Variants in ZSCAN30 observed in about 807,000 individuals in gnomAD.
The protein encoded by ZSCAN30 is zinc finger and SCAN domain-containing protein 30.
ZSCAN30 carries 37 observed loss-of-function variants against 44.3 expected under a neutral mutation model. The observed-to-expected ratio is 0.84, with a 90% confidence interval of 0.64 to 1.10. The LOEUF is 1.10. Among genes scored for constraint, ZSCAN30 ranks in the 50% least tolerant of loss-of-function variants. ZSCAN30 has a pLI of 0.00. For missense variants in ZSCAN30, 549 were observed against 582.6 expected (o/e 0.94, Z 0.59); for synonymous variants, 181 against 204.6 (o/e 0.88, Z 0.98).
At chr18:35,255,881 A>G (rs967860799) in intron 3 of ZSCAN30, 1 of 154,324 alleles carries the variant, frequency 6.5e-6, no homozygotes, top group Non-Finnish European at 1.5e-5. Context: ...ACTTGCATAC[A>G]ATAGAGGCAT....
At chr18:35,284,548 A>C (rs1187212871) in intron 1 of ZSCAN30, 1 of 155,044 alleles carries the variant, frequency 6.4e-6, no homozygotes. Flanking sequence ...CACTGCCTCA[A>C]GTATGCGCAC....
At chr18:35,270,663 C>T (rs1366465458) in intron 1 of ZSCAN30, among the ~76,000 whole-genome samples, 1 of 152,170 alleles carries the variant, frequency 6.6e-6, no homozygotes, top group Non-Finnish European at 1.5e-5. Flanking sequence ...TCACTGCAAC[C>T]TCCCCCTCCG....
chr18:35,288,764 C>T (rs1360008976), intron 1 of ZSCAN30, among the ~76,000 whole-genome samples: 1 of 152,182 alleles, frequency 6.6e-6, no homozygotes, highest in African/African-American at 2.4e-5. Flanking sequence ...TCTCTAGTAA[C>T]AGCTGACCAG....
chr18:35,255,799 G>T (rs2043789250), intron 3 of ZSCAN30: 1 of 154,230 alleles, frequency 6.5e-6, no homozygotes, highest in Non-Finnish European at 1.5e-5. Flanking sequence ...AATTCATATT[G>T]TCCTTGGATT....
intron 3 of ZSCAN30, chr18:35,260,569 T>C (rs562833153): frequency 2.0e-5 from 3 of 152,234 alleles, no homozygotes; most frequent in Non-Finnish European, 2.9e-5. Context: ...TGCCATGAGA[T>C]TGTTTCTCAT....
intron 1 of ZSCAN30, among the ~76,000 whole-genome samples, chr18:35,279,579 A>G (rs932795765): frequency 2.6e-5 from 4 of 152,234 alleles, no homozygotes; most frequent in Non-Finnish European, 5.9e-5. Flanking sequence ...TTTATTTCTC[A>G]TAGTACTGGA....
intron 1 of ZSCAN30, among the ~76,000 whole-genome samples, chr18:35,280,146 T>G (rs1316886206): frequency 6.6e-6 from 1 of 151,864 alleles, no homozygotes; most frequent in African/African-American, 2.4e-5. Flanking sequence ...CATGGTGGCA[T>G]GCGCCTATAT....
chr18:35,251,742 A>T lies in ZSCAN30; in HGVS notation c.*1708T>A, dbSNP rs2143633399. 6.6e-6 allele frequency: 1 copy of T among 151,904 alleles called. No individual in the cohort carries two copies. Among genetic ancestry groups the T allele is most frequent in the African/African-American group, 2.4e-5 (1 of 41,356 alleles). 9.4% of individuals were successfully genotyped at this position (151,904 alleles called of 1,614,324 possible). A position where few individuals can be genotyped will look rare whatever the true frequency, so the allele number is the denominator to read the frequency against. ...TGCTTCCCCTTCGCCTTCCACCATG[A>T]TTTAAGTTTCCTGAGGCCTCCCCAG... On this transcript the variant is annotated 3_prime_UTR_variant, in exon 4 of 4. Coordinates refer to ENST00000333206, the MANE Select transcript of ZSCAN30 (RefSeq NM_001112734.4).
At chr18:35,278,367 C>G (rs531088612) in intron 1 of ZSCAN30, among the ~76,000 whole-genome samples, 5 of 152,310 alleles carry the variant, frequency 3.3e-5, no homozygotes, top group African/African-American at 1.2e-4. Flanking sequence ...AGCTTTTCTT[C>G]TTTTCATCCT....
At chr18:35,273,148 T>G (rs1271504770) in intron 1 of ZSCAN30, among the ~76,000 whole-genome samples, 2 of 152,158 alleles carry the variant, frequency 1.3e-5, no homozygotes, top group Non-Finnish European at 2.9e-5. Flanking sequence ...TCCAGAACTT[T>G]TTTATCTTCC....
At chr18:35,270,375 C>A (rs995195583) in intron 1 of ZSCAN30, 5 of 152,190 alleles carry the variant, frequency 3.3e-5, no homozygotes, top group African/African-American at 1.2e-4. Flanking sequence ...GTTTCAATAA[C>A]CTGTTAGACT....
chr18:35,282,198 A>G (rs1193640643), intron 1 of ZSCAN30: 1 of 152,174 alleles, frequency 6.6e-6, no homozygotes, highest in Admixed American at 6.5e-5. Flanking sequence ...AGTTAACTTT[A>G]TATGTCAGTA....
intron 3 of ZSCAN30, chr18:35,261,601 T>C (rs755504771): frequency 2.0e-5 from 3 of 151,688 alleles, no homozygotes; most frequent in Non-Finnish European, 4.4e-5. Context: ...AGGTATTTTA[T>C]TCTCTTTGTA....
chr18:35,288,215 C>T (rs190291789), intron 1 of ZSCAN30, among the ~76,000 whole-genome samples: 25 of 152,274 alleles, frequency 1.6e-4, no homozygotes, highest in East Asian at 1.4e-3. Context: ...CCAGAATGGA[C>T]GAAAGATTTG....
Position 35,251,755 on chromosome 18 carries a change from G to GA in ZSCAN30, c.*1694dup, listed in dbSNP as rs1052406530. The GA allele has an allele frequency of 4.5e-4, 68 of 151,552 alleles. No individual in the cohort carries two copies. The highest frequency in any genetic ancestry group is 1.6e-3 in the African/African-American group (67 of 41,228). The allele number at this position is 151,552 out of a possible 1,614,324, so 9.4% of individuals were successfully genotyped here. A position where few individuals can be genotyped will look rare whatever the true frequency, so the allele number is the denominator to read the frequency against. ...CCTTCCACCATGATTTAAGTTTCCTGAGGCCTCCCCAGCCCTGCAGAACTG... is the reference window on the plus strand; with the variant it reads ...CCTTCCACCATGATTTAAGTTTCCTGAAGGCCTCCCCAGCCCTGCAGAACTG... On this transcript the variant is annotated 3_prime_UTR_variant, in exon 4 of 4. Transcript: ENST00000333206.
rs1282496590 is a variant in ZSCAN30, at chr18:35,264,255, T to C, written c.98A>G (p.Gln33Arg). ...KVEEENYVLDQDFGLQENPWS... is the reference protein window; with the variant it reads ...KVEEENYVLDRDFGLQENPWS... ...GGGGTTTTCCTGAAGGCCAAAGTCC[T>C]GGTCCAAAACATAATTTTCTTCTTC... Residue 33 changes from glutamine (Q) to arginine (R), a missense_variant, in exon 2 of 4, where the codon CAG (glutamine) becomes CGG (arginine). Physicochemically the swap from Gln to Arg is conservative, Grantham distance 43. Coordinates refer to ENST00000333206, the MANE Select transcript of ZSCAN30 (RefSeq NM_001112734.4). 6 of 1,614,190 alleles carry C rather than the reference T, an allele frequency of 3.7e-6. No homozygotes were observed. Among genetic ancestry groups the C allele is most frequent in the Non-Finnish European group, 3.4e-6 (4 of 1,180,030 alleles).
intron 3 of ZSCAN30, 113 bp from the exon 4 acceptor site, chr18:35,254,494 T>C: frequency 6.4e-7 from 1 of 1,554,516 alleles, no homozygotes; most frequent in Non-Finnish European, 8.7e-7. Context: ...GGAGGACAGT[T>C]CTCAAAACTA....
intron 3 of ZSCAN30, among the ~76,000 whole-genome samples, chr18:35,256,106 T>C (rs1206486722): frequency 6.6e-6 from 1 of 152,194 alleles, no homozygotes; most frequent in African/African-American, 2.4e-5. Flanking sequence ...TGTAACTATA[T>C]GAAGTCAAAT....
chr18:35,278,207 T>A (rs559355480), intron 1 of ZSCAN30, among the ~76,000 whole-genome samples: 17 of 152,306 alleles, frequency 1.1e-4, no homozygotes, highest in South Asian at 4.2e-4. Flanking sequence ...GGTCTATAGA[T>A]ACCCAACTGG....
Sources: allele counts gnomAD v4.1 joint callset (sites outside exome capture counted in the v4.1 genomes callset), GRCh38; gene constraint gnomAD v4.1.1; transcripts MANE v1.5; gene names NCBI Gene and HGNC (gene_info 2026-07-23, HGNC 2026-07-21).